The following IL1RAPL1 variants were observed in gnomAD, a reference collection of about 807,000 sequenced individuals.
The protein encoded by IL1RAPL1 is interleukin-1 receptor accessory protein-like 1.
A neutral mutation model predicts 48.4 loss-of-function variants in IL1RAPL1; 3 were observed. The observed-to-expected ratio is 0.06, with a 90% confidence interval of 0.03 to 0.16. IL1RAPL1 has a LOEUF of 0.16. Among genes scored for constraint, IL1RAPL1 ranks in the 10% least tolerant of loss-of-function variants. IL1RAPL1 has a pLI of 1.00. For synonymous variants in IL1RAPL1, 185 were observed against 187.7 expected (o/e 0.99, Z 0.12); for missense variants, 349 against 530.6 (o/e 0.66, Z 3.36).
Position 29,680,028 on chromosome X carries a change from G to A in IL1RAPL1, c.778+11524G>A, listed in dbSNP as rs1222559379. ...AATTTTATTTTTGTCTCAAATAGAT[G>A]GCTCTTTCAAGCAAAGGTTAATTTG... On this transcript the variant is annotated intron_variant, in intron 6 of 10. Transcript: ENST00000378993. Among the ~76,000 whole-genome samples the A allele has an allele frequency of 1.2e-4, 13 of 111,780 alleles. No homozygotes were observed. In the Admixed American group the frequency reaches 1.2e-3, roughly 11 times the overall value.
At chrX:29,718,992 C>T (rs772213141) in intron 6 of IL1RAPL1, among the ~76,000 whole-genome samples, 4 of 112,094 alleles carry the variant, frequency 3.6e-5, no homozygotes, top group Non-Finnish European at 7.5e-5. Context: ...AGTAACCCTT[C>T]GGAAGTCACA....
At chrX:29,101,502 C>T (rs1424888927) in intron 2 of IL1RAPL1, among the ~76,000 whole-genome samples, 2 of 111,352 alleles carry the variant, frequency 1.8e-5, no homozygotes, top group African/African-American at 6.5e-5. Context: ...ACTCACTCTA[C>T]GAGGCCAGTA....
intron 2 of IL1RAPL1, among the ~76,000 whole-genome samples, chrX:28,869,338 T>C (rs977935843): frequency 2.7e-5 from 3 of 112,333 alleles, no homozygotes; most frequent in Non-Finnish European, 5.6e-5. Context: ...TTTGCTTCCA[T>C]TTAAAAATTT....
intron 2 of IL1RAPL1, among the ~76,000 whole-genome samples, chrX:28,862,357 A>G (rs1373424439): frequency 1.8e-5 from 2 of 112,125 alleles, no homozygotes; most frequent in African/African-American, 6.5e-5. Context: ...TTTCTATTAG[A>G]AAAACTTTAG....
intron 2 of IL1RAPL1, among the ~76,000 whole-genome samples, chrX:28,934,353 C>A (rs1362282377): frequency 9.0e-6 from 1 of 111,236 alleles, no homozygotes; most frequent in Non-Finnish European, 1.9e-5. Context: ...TATTAAAAAC[C>A]TTTTCGCTAA....
chrX:29,486,554 T>C (rs1168602931), intron 5 of IL1RAPL1, among the ~76,000 whole-genome samples: 1 of 102,881 alleles, frequency 9.7e-6, no homozygotes, highest in Non-Finnish European at 2.0e-5. Context: ...CATTGGACTA[T>C]TGTTGAGATG....
intron 2 of IL1RAPL1, among the ~76,000 whole-genome samples, chrX:28,937,085 G>C (rs1299920721): frequency 2.7e-5 from 3 of 111,259 alleles, no homozygotes; most frequent in Non-Finnish European, 5.7e-5. Flanking sequence ...ATTGAAGATT[G>C]CCAGTTTACC....
At chrX:28,777,692 T>A in intron 1 of IL1RAPL1, among the ~76,000 whole-genome samples, 1 of 111,380 alleles carries the variant, frequency 9.0e-6, no homozygotes, top group Non-Finnish European at 1.9e-5. Flanking sequence ...AATGGAATTT[T>A]TATTGTTTGA....
intron 1 of IL1RAPL1, among the ~76,000 whole-genome samples, chrX:28,658,229 T>G (rs1300945070): frequency 8.9e-6 from 1 of 112,517 alleles, no homozygotes; most frequent in Admixed American, 9.4e-5. Flanking sequence ...TTAATTTATT[T>G]ATTTTTGAGA....
intron 5 of IL1RAPL1, among the ~76,000 whole-genome samples, chrX:29,586,808 T>C (rs1252780540): frequency 9.0e-6 from 1 of 111,600 alleles, no homozygotes; most frequent in African/African-American, 3.3e-5. Flanking sequence ...AATGGGATTA[T>C]TTTATTAATT....
At chrX:29,546,375 G>A (rs1921627112) in intron 5 of IL1RAPL1, among the ~76,000 whole-genome samples, 2 of 111,377 alleles carry the variant, frequency 1.8e-5, no homozygotes, top group Non-Finnish European at 3.8e-5. Flanking sequence ...ATCAGAGCTT[G>A]TCTTTATCAA....
intron 3 of IL1RAPL1, among the ~76,000 whole-genome samples, chrX:29,318,190 T>G (rs1005469896): frequency 2.1e-4 from 24 of 112,322 alleles, no homozygotes; most frequent in Non-Finnish European, 1.3e-4. Context: ...CTCTTTAAAA[T>G]GTGGACTTTT....
Position 29,482,686 on chromosome X carries a change from AT to A in IL1RAPL1, c.703+83381del, listed in dbSNP as rs1386587121. Reference sequence around the variant, plus strand: ...AAAGCATAGTTCCTGATTTTCATACATTTATGTCATTCCATTTTTTGTTTAT... The same window carrying A: ...AAAGCATAGTTCCTGATTTTCATACATTATGTCATTCCATTTTTTGTTTAT... On this transcript the variant is annotated intron_variant, in intron 5 of 10. Transcript: ENST00000378993. 2.7e-5 allele frequency among the ~76,000 whole-genome samples: 3 copies of A among 112,030 alleles called. No individual in the cohort carries two copies. The Admixed American group carries it at 2.8e-4, about 11-fold the overall frequency.
intron 2 of IL1RAPL1, among the ~76,000 whole-genome samples, chrX:29,149,387 A>G (rs899957430): frequency 1.8e-5 from 2 of 111,367 alleles, no homozygotes; most frequent in South Asian, 3.8e-4. Context: ...ATGACCTACC[A>G]CATTTGACAC....
intron 1 of IL1RAPL1, among the ~76,000 whole-genome samples, chrX:28,770,033 A>T (rs1174820003): frequency 1.8e-5 from 2 of 111,891 alleles, no homozygotes; most frequent in African/African-American, 6.5e-5. Flanking sequence ...ATATATTGAC[A>T]CTGCTTTCCA....
intron 2 of IL1RAPL1, among the ~76,000 whole-genome samples, chrX:29,038,858 A>G (rs900087972): frequency 8.9e-6 from 1 of 111,777 alleles, no homozygotes; most frequent in Non-Finnish European, 1.9e-5. Flanking sequence ...TCTTTCTTAA[A>G]AAAAAACTCT....
At position 29,259,698 on chromosome X, in the gene IL1RAPL1, C is replaced by G. The variant is rs1471535154; in HGVS notation, c.83-23240C>G. Among the ~76,000 whole-genome samples the G allele has an allele frequency of 6.7e-5, 7 of 104,144 alleles. 1 individual carries two copies. The East Asian group carries it at 2.0e-3, about 29-fold the overall frequency. The allele number at this position is 104,144 out of a possible 115,157, so 90.4% of individuals were successfully genotyped here. On this transcript the variant is annotated intron_variant, in intron 2 of 10. Coordinates refer to ENST00000378993, the MANE Select transcript of IL1RAPL1 (RefSeq NM_014271.4). ...TCTGATCTATATATTAAAATATAGT[C>G]AAATATTTAAGGTTGCCTACATTAC...
chrX:29,382,996 G>T (rs1255941924), intron 3 of IL1RAPL1, among the ~76,000 whole-genome samples: 1 of 111,982 alleles, frequency 8.9e-6, no homozygotes, highest in East Asian at 2.8e-4. Flanking sequence ...AGCAGATTAA[G>T]CTTTTTAAAA....
intron 6 of IL1RAPL1, among the ~76,000 whole-genome samples, chrX:29,837,258 C>CAAAAAAAAAAAA (rs34032700): frequency 6.7e-5 from 2 of 30,053 alleles, no homozygotes; most frequent in African/African-American, 3.9e-4. Context: ...GACTGCATCT[C>CAAAAAAAAAAAA]AAAAAAAAAA....
Sources: gnomAD v4.1 joint callset for allele counts (sites outside exome capture counted in the v4.1 genomes callset) on GRCh38, gnomAD v4.1.1 for gene constraint, MANE v1.5 for transcripts, NCBI Gene and HGNC (gene_info 2026-07-23, HGNC 2026-07-21) for gene names.